Variants in CTNNA3 observed in about 807,000 individuals in gnomAD.
The protein encoded by CTNNA3 is catenin alpha-3.
A neutral mutation model predicts 95.7 loss-of-function variants in CTNNA3; 76 were observed. The observed-to-expected ratio is 0.79, with a 90% confidence interval of 0.66 to 0.96. The LOEUF is 0.96. Ranked by LOEUF, CTNNA3 falls within the 40% of genes least tolerant of loss-of-function variation. CTNNA3 has a pLI of 0.00. For missense variants in CTNNA3, 1,191 were observed against 1,089.8 expected (o/e 1.09, Z -1.31); for synonymous variants, 431 against 374.4 (o/e 1.15, Z -1.74).
chr10:66,926,307 G>C, intron 7 of CTNNA3: 1 of 539,598 alleles, frequency 1.9e-6, no homozygotes, highest in Non-Finnish European at 3.3e-6. Flanking sequence ...AAACTGTAAA[G>C]ATGCAAAAAC....
chr10:66,243,727 C>T (rs1260201105), intron 13 of CTNNA3, among the ~76,000 whole-genome samples: 1 of 152,166 alleles, frequency 6.6e-6, no homozygotes, highest in Non-Finnish European at 1.5e-5. Flanking sequence ...GAGTCATGAT[C>T]GTGTCCTTAA....
intron 9 of CTNNA3, among the ~76,000 whole-genome samples, chr10:66,728,714 A>G (rs1848856629): frequency 6.6e-6 from 1 of 152,056 alleles, no homozygotes; most frequent in Non-Finnish European, 1.5e-5. Flanking sequence ...CTGGCTCTCG[A>G]ATAGCTGGAA....
At chr10:66,584,928 T>C (rs1234541694) in intron 10 of CTNNA3, among the ~76,000 whole-genome samples, 1 of 152,056 alleles carries the variant, frequency 6.6e-6, no homozygotes. Flanking sequence ...AAACTATTTC[T>C]CCTTTATCTA....
chr10:66,322,675 A>C (rs75011320), intron 12 of CTNNA3, among the ~76,000 whole-genome samples: 2,410 of 152,226 alleles, frequency 0.016, 57 homozygotes, highest in African/African-American at 0.052. Flanking sequence ...GGGAGTTGGC[A>C]GGAGTATCTC....
At chr10:67,452,082 G>GGAAT (rs1564659464) in intron 5 of CTNNA3, among the ~76,000 whole-genome samples, 1 of 150,070 alleles carries the variant, frequency 6.7e-6, no homozygotes, top group African/African-American at 2.5e-5. Context: ...AAGGAAGGAA[G>GGAAT]GAAGGAAGGA....
chr10:66,466,339 T>TACACACACACACACACACACAC (rs143601111), intron 11 of CTNNA3, among the ~76,000 whole-genome samples: 12 of 141,770 alleles, frequency 8.5e-5, no homozygotes, highest in African/African-American at 2.9e-4. Flanking sequence ...CACCCACCTA[T>TACACACACACACACACACACAC]ACACACACAC....
chr10:66,649,640 C>T (rs765509049), intron 9 of CTNNA3, among the ~76,000 whole-genome samples: 69 of 152,200 alleles, frequency 4.5e-4, no homozygotes, highest in Admixed American at 1.1e-3. Context: ...CTTCCAGGCC[C>T]ACCTGGATTC....
intron 3 of CTNNA3, among the ~76,000 whole-genome samples, chr10:67,579,435 T>C (rs1409174445): frequency 6.6e-6 from 1 of 152,132 alleles, no homozygotes; most frequent in East Asian, 1.9e-4. Context: ...TGCCACATTT[T>C]CTTAATCCAG....
intron 11 of CTNNA3, among the ~76,000 whole-genome samples, chr10:66,505,580 C>A (rs1465609709): frequency 6.6e-6 from 1 of 152,076 alleles, no homozygotes; most frequent in African/African-American, 2.4e-5. Flanking sequence ...GGAAGAGCTT[C>A]TTTTCTCGGT....
intron 7 of CTNNA3, among the ~76,000 whole-genome samples, chr10:67,139,405 C>T (rs1411330112): frequency 6.6e-6 from 1 of 151,710 alleles, no homozygotes; most frequent in African/African-American, 2.4e-5. Context: ...CCTCAGCCTC[C>T]CAAAGTGCTG....
Position 65,979,217 on chromosome 10 carries a change from C to G in CTNNA3, c.2265+9475G>C, listed in dbSNP as rs2078270445. 2.6e-5 allele frequency among the ~76,000 whole-genome samples: 4 copies of G among 152,116 alleles called. No homozygotes were observed. In the South Asian group the frequency reaches 8.3e-4, roughly 32 times the overall value. On this transcript the variant is annotated intron_variant, in intron 16 of 17. Transcript: ENST00000433211. ...GCACATACAGCTATTGAGAAAGTGACATGTACTTTGAACACAATACAAATT... is the reference window on the plus strand; with the variant it reads ...GCACATACAGCTATTGAGAAAGTGAGATGTACTTTGAACACAATACAAATT...
chr10:67,157,178 A>G (rs1861347847), intron 7 of CTNNA3, among the ~76,000 whole-genome samples: 1 of 152,168 alleles, frequency 6.6e-6, no homozygotes, highest in South Asian at 2.1e-4. Flanking sequence ...AGATGACATA[A>G]TCTTACATGA....
intron 11 of CTNNA3, among the ~76,000 whole-genome samples, chr10:66,516,661 A>G (rs1360320420): frequency 6.6e-6 from 1 of 152,186 alleles, no homozygotes; most frequent in Non-Finnish European, 1.5e-5. Flanking sequence ...TTAATCACTT[A>G]TCAGCACCCT....
At chr10:66,039,376 G>C (rs936854313) in intron 15 of CTNNA3, among the ~76,000 whole-genome samples, 1 of 152,092 alleles carries the variant, frequency 6.6e-6, no homozygotes, top group Non-Finnish European at 1.5e-5. Flanking sequence ...TCACAGATGA[G>C]AAAAAACTAT....
chr10:66,044,219 T>C (rs1450847716), intron 15 of CTNNA3, among the ~76,000 whole-genome samples: 1 of 152,166 alleles, frequency 6.6e-6, no homozygotes, highest in Non-Finnish European at 1.5e-5. Flanking sequence ...CTCAAACTTG[T>C]GACCTTAGGT....
intron 7 of CTNNA3, among the ~76,000 whole-genome samples, chr10:67,124,333 G>GGGGT (rs1465657190): frequency 2.8e-5 from 4 of 141,770 alleles, no homozygotes; most frequent in African/African-American, 1.1e-4. Flanking sequence ...GTGTGTTAGC[G>GGGGT]GTGTGTGTGT....
chr10:67,726,493 C>CAATATAT lies in CTNNA3; in HGVS notation c.-2+36934_-2+36940dup, dbSNP rs1205134242. 5.7e-3 allele frequency among the ~76,000 whole-genome samples: 252 copies of CAATATAT among 44,358 alleles called. 4 individuals are homozygous for CAATATAT. The highest frequency in any genetic ancestry group is 0.026 in the African/African-American group (242 of 9,488). 29.1% of individuals were successfully genotyped at this position (44,358 alleles called of 152,430 possible). A position where few individuals can be genotyped will look rare whatever the true frequency, so the allele number is the denominator to read the frequency against. ...ATAATATTATATATTATATCATATA[C>CAATATAT]AATATATAATATATTATATATTATA... On this transcript the variant is annotated intron_variant, in intron 1 of 17. Transcript: ENST00000684154.
At chr10:66,275,208 C>T (rs1290260837) in intron 13 of CTNNA3, among the ~76,000 whole-genome samples, 2 of 152,122 alleles carry the variant, frequency 1.3e-5, no homozygotes, top group African/African-American at 2.4e-5. Flanking sequence ...ACCTCTGCCT[C>T]CCAGGTTCAA....
At chr10:67,125,173 CA>C (rs1211572301) in intron 7 of CTNNA3, among the ~76,000 whole-genome samples, 5 of 151,948 alleles carry the variant, frequency 3.3e-5, no homozygotes, top group Admixed American at 6.5e-5. Flanking sequence ...TACGTTTTTT[CA>C]ATAGTCACTA....
Sources: allele counts gnomAD v4.1 joint callset (sites outside exome capture counted in the v4.1 genomes callset), GRCh38; gene constraint gnomAD v4.1.1; transcripts MANE v1.5; gene names NCBI Gene and HGNC (gene_info 2026-07-23, HGNC 2026-07-21).